PACRG: variants seen among roughly 807,000 people sequenced by gnomAD.
PACRG encodes parkin coregulated gene protein.
PACRG carries 29 observed loss-of-function variants against 29.7 expected under a neutral mutation model. The ratio of observed to expected loss-of-function variants is 0.98; its 90% CI spans 0.73 to 1.33. The LOEUF (loss-of-function observed/expected upper bound fraction) is 1.33. Among genes scored for constraint, PACRG ranks in the 40% most tolerant of loss-of-function variants. PACRG has a pLI of 0.00. For missense variants in PACRG, 279 were observed against 316.2 expected, an observed-to-expected ratio of 0.88 and a Z score of 0.89; for synonymous variants, 116 against 118.7, an observed-to-expected ratio of 0.98 and a Z score of 0.15.
intron 2 of PACRG, among the ~76,000 whole-genome samples, chr6:162,958,754 G>GTA (rs749589409): frequency 1.1e-4 from 16 of 147,832 alleles, no homozygotes; most frequent in Non-Finnish European, 2.2e-4. Context: ...GTGTGTGTGT[G>GTA]TATATATATA....
At chr6:163,048,344 A>G (rs527385150) in intron 2 of PACRG, among the ~76,000 whole-genome samples, 1 of 152,314 alleles carries the variant, frequency 6.6e-6, no homozygotes, top group South Asian at 2.1e-4. Flanking sequence ...TTAGTGAAGA[A>G]ATTTTATCAA....
chr6:163,198,157 A>G (rs775328077), intron 4 of PACRG, among the ~76,000 whole-genome samples: 7 of 152,250 alleles, frequency 4.6e-5, no homozygotes, highest in Non-Finnish European at 8.8e-5. Flanking sequence ...AGCCTTGGAC[A>G]TGCATTAACC....
rs1226314607 is a variant in PACRG, at chr6:163,167,958, T to C, written c.613+78550T>C. ...AGATTGTGGCAGCTACTCTTTCCGA[T>C]AGTTCCCATAGGTTTCCAATTGAAC... is the stretch of plus-strand genomic sequence containing the variant. On this transcript the variant is annotated intron_variant, in intron 4 of 4. Transcript: ENST00000366888. Among the ~76,000 whole-genome samples the C allele has an allele frequency of 2.6e-5, 4 of 152,248 alleles. 1 individual carries two copies. The highest frequency in any genetic ancestry group is 5.9e-5 in the Non-Finnish European group (4 of 68,044).
chr6:163,208,583 C>T (rs563408485), intron 4 of PACRG, among the ~76,000 whole-genome samples: 2 of 152,254 alleles, frequency 1.3e-5, no homozygotes, highest in Admixed American at 1.3e-4. Context: ...TGGCTAAGCA[C>T]ACGTTTGGAT....
intron 4 of PACRG, among the ~76,000 whole-genome samples, chr6:163,215,936 A>C (rs1781344181): frequency 6.6e-6 from 1 of 152,224 alleles, no homozygotes; most frequent in Non-Finnish European, 1.5e-5. Context: ...GAAGTGTTTG[A>C]GACAAAGCCT....
At chr6:163,256,536 C>A (rs1478675103) in intron 4 of PACRG, among the ~76,000 whole-genome samples, 1 of 152,172 alleles carries the variant, frequency 6.6e-6, no homozygotes, top group African/African-American at 2.4e-5. Context: ...TTAGGGAAGG[C>A]CTTACCAAGA....
At chr6:163,264,781 C>T (rs1185462015) in intron 4 of PACRG, among the ~76,000 whole-genome samples, 2 of 152,182 alleles carry the variant, frequency 1.3e-5, no homozygotes, top group Non-Finnish European at 2.9e-5. Context: ...AACTTTTAAA[C>T]ACCTGAAATT....
At position 163,249,540 on chromosome 6, in the gene PACRG, G is replaced by C. The variant is rs561880606; in HGVS notation, c.614-65287G>C. The stretch of plus-strand genomic sequence containing the variant: ...ATGAGCCTTTCAGAAGGGGGATCCT[G>C]ATGGGCCGGAAGTGGAGCCAACTCT... On this transcript the variant is annotated intron_variant, in intron 4 of 4. Transcript: ENST00000366888. Among the ~76,000 whole-genome samples the C allele has an allele frequency of 1.3e-5, 2 of 152,328 alleles. 1 individual carries two copies. The highest frequency in any genetic ancestry group is 1.3e-4 in the Admixed American group (2 of 15,306).
intron 2 of PACRG, among the ~76,000 whole-genome samples, chr6:163,015,990 C>A (rs1347284822): frequency 6.6e-6 from 1 of 152,048 alleles, no homozygotes; most frequent in South Asian, 2.1e-4. Flanking sequence ...CTGTGTAATA[C>A]CTTGTGTTTA....
At chr6:163,271,650 T>G (rs1783836557) in intron 4 of PACRG, among the ~76,000 whole-genome samples, 1 of 152,240 alleles carries the variant, frequency 6.6e-6, no homozygotes. Flanking sequence ...TGTATATCAA[T>G]TAAATTCCTG....
At chr6:163,302,166 G>A (rs1233167461) in intron 4 of PACRG, among the ~76,000 whole-genome samples, 1 of 152,114 alleles carries the variant, frequency 6.6e-6, no homozygotes, top group East Asian at 1.9e-4. Context: ...CAATTTTGCT[G>A]CTGTGGCAAA....
intron 3 of PACRG, among the ~76,000 whole-genome samples, chr6:163,074,476 C>A (rs1052292044): frequency 6.6e-6 from 1 of 152,048 alleles, no homozygotes; most frequent in Non-Finnish European, 1.5e-5. Flanking sequence ...AGAAATAGTA[C>A]GACCTAGTAT....
chr6:162,976,372 C>G (rs1275506493), intron 2 of PACRG, among the ~76,000 whole-genome samples: 1 of 152,014 alleles, frequency 6.6e-6, no homozygotes, highest in African/African-American at 2.4e-5. Context: ...ACGAAGTGAC[C>G]CTATCATGGA....
chr6:163,172,999 A>G (rs1176444640), intron 4 of PACRG, among the ~76,000 whole-genome samples: 1 of 152,244 alleles, frequency 6.6e-6, no homozygotes, highest in Non-Finnish European at 1.5e-5. Flanking sequence ...ATGAGTGGAG[A>G]GTATCTAAGA....
chr6:163,168,601 T>C (rs532855494), intron 4 of PACRG, among the ~76,000 whole-genome samples: 1 of 152,296 alleles, frequency 6.6e-6, no homozygotes, highest in South Asian at 2.1e-4. Flanking sequence ...CCATAATTAG[T>C]TGAAAATGTT....
chr6:163,199,189 A>T (rs1185260821), intron 4 of PACRG, among the ~76,000 whole-genome samples: 1 of 152,378 alleles, frequency 6.6e-6, no homozygotes, highest in African/African-American at 2.4e-5. Context: ...ATAAAGAAAT[A>T]GATGAACACC....
At chr6:163,071,073 G>C (rs1812000458) in intron 3 of PACRG, among the ~76,000 whole-genome samples, 2 of 152,038 alleles carry the variant, frequency 1.3e-5, no homozygotes, top group African/African-American at 4.8e-5. Context: ...TAAAGAGAGA[G>C]ACAGACCACA....
intron 2 of PACRG, among the ~76,000 whole-genome samples, chr6:162,937,745 C>T (rs1025277487): frequency 1.3e-5 from 2 of 152,030 alleles, no homozygotes; most frequent in Admixed American, 1.3e-4. Context: ...GTGGTAGCAT[C>T]CCTGTAACAA....
chr6:163,016,949 T>A (rs1806167477), intron 2 of PACRG, among the ~76,000 whole-genome samples: 1 of 152,128 alleles, frequency 6.6e-6, no homozygotes, highest in Admixed American at 6.6e-5. Context: ...AAAATATATT[T>A]CATATTATTT....
Sources: gnomAD v4.1 joint callset for allele counts (sites outside exome capture counted in the v4.1 genomes callset) on GRCh38, gnomAD v4.1.1 for gene constraint, MANE v1.5 for transcripts, NCBI Gene and HGNC (gene_info 2026-07-23, HGNC 2026-07-21) for gene names.